Variants in DPP10 observed in about 807,000 individuals in gnomAD.
DPP10 encodes the protein dipeptidyl peptidase like 10, also known as inactive dipeptidyl peptidase 10.
In DPP10, 33 loss-of-function variants were observed where a neutral mutation model predicts 120.9. The observed-to-expected ratio is 0.27, with a 90% CI of 0.21 to 0.37. The LOEUF (loss-of-function observed/expected upper bound fraction) is 0.37. DPP10 is among the 10% of genes least tolerant of loss of function. The pLI is 1.00. For synonymous variants in DPP10, 337 were observed against 326.1 expected (o/e 1.03, Z -0.36); for missense variants, 816 against 942.8 (o/e 0.87, Z 1.76).
chr2:115,238,759 T>TTA (rs1355977289), intron 1 of DPP10, among the ~76,000 whole-genome samples: 1 of 152,172 alleles, frequency 6.6e-6, no homozygotes, highest in Admixed American at 6.6e-5. Flanking sequence ...TTTAGAATAT[T>TTA]ATATAAAGTT....
chr2:114,477,449 A>G (rs1208138792), intron 1 of DPP10, among the ~76,000 whole-genome samples: 1 of 151,956 alleles, frequency 6.6e-6, no homozygotes, highest in Non-Finnish European at 1.5e-5. Flanking sequence ...GAAATACTGC[A>G]TATATATTTA....
At chr2:114,822,019 T>G (rs1686130746) in intron 1 of DPP10, among the ~76,000 whole-genome samples, 2 of 152,142 alleles carry the variant, frequency 1.3e-5, no homozygotes, top group South Asian at 4.1e-4. Flanking sequence ...GGTGGCCCTC[T>G]TCTCACAGCT....
At chr2:115,107,483 T>C (rs1421192402) in intron 1 of DPP10, among the ~76,000 whole-genome samples, 2 of 133,056 alleles carry the variant, frequency 1.5e-5, no homozygotes, top group South Asian at 2.5e-4. Flanking sequence ...ATATGTCAGA[T>C]AACTAGAAAA....
chr2:115,607,866 ATGTAG>A (rs1459444386), intron 5 of DPP10, among the ~76,000 whole-genome samples: 1 of 152,206 alleles, frequency 6.6e-6, no homozygotes, highest in Non-Finnish European at 1.5e-5. Flanking sequence ...CAGAATCAAT[ATGTAG>A]AAACCAGAGA....
In DPP10 at chr2:115,266,673, T is replaced by A. The variant is rs187194545; in HGVS notation, c.61-42566T>A. ...ACTGTCCACAGAGGTTTTATCTTTG[T>A]CTGTGGTATTAAGCTTTTTGAGGAC... On this transcript the variant is annotated intron_variant, in intron 1 of 25. Transcript: ENST00000410059. Among the ~76,000 whole-genome samples, 645 of 152,306 alleles carry A rather than the reference T, an allele frequency of 4.2e-3. 16 individuals carry two copies. The highest frequency in any genetic ancestry group is 0.036 in the Admixed American group (549 of 15,300).
chr2:114,622,696 G>A (rs1694193176), intron 1 of DPP10, among the ~76,000 whole-genome samples: 1 of 151,956 alleles, frequency 6.6e-6, no homozygotes, highest in Non-Finnish European at 1.5e-5. Context: ...GAGAGAAAAG[G>A]GCCTTCTTTC....
chr2:115,553,274 C>G (rs1359776112), intron 5 of DPP10, among the ~76,000 whole-genome samples: 1 of 151,978 alleles, frequency 6.6e-6, no homozygotes, highest in Non-Finnish European at 1.5e-5. Flanking sequence ...ATAACATTAC[C>G]ATAAATCTTT....
chr2:115,506,272 G>A (rs997887213), intron 4 of DPP10, among the ~76,000 whole-genome samples: 3 of 152,004 alleles, frequency 2.0e-5, no homozygotes, highest in African/African-American at 7.2e-5. Context: ...TAGTTTGCTT[G>A]TGAAACATGC....
intron 1 of DPP10, among the ~76,000 whole-genome samples, chr2:115,259,771 A>G (rs2059167901): frequency 6.6e-6 from 1 of 152,142 alleles, no homozygotes; most frequent in Non-Finnish European, 1.5e-5. Flanking sequence ...ATTTGTATTG[A>G]ATGAATGATG....
At chr2:114,993,590 A>G (rs868714282) in intron 1 of DPP10, among the ~76,000 whole-genome samples, 3,497 of 143,390 alleles carry the variant, frequency 0.024, 203 homozygotes, top group African/African-American at 0.081. Flanking sequence ...GTATATATAT[A>G]TATATATATA....
intron 1 of DPP10, among the ~76,000 whole-genome samples, chr2:115,244,448 T>G (rs2058440409): frequency 6.6e-6 from 1 of 151,850 alleles, no homozygotes; most frequent in Non-Finnish European, 1.5e-5. Flanking sequence ...AAATTGGAAC[T>G]TAAAGCCAAA....
intron 3 of DPP10, among the ~76,000 whole-genome samples, chr2:115,464,079 T>C (rs141747370): frequency 2.0e-4 from 31 of 152,210 alleles, no homozygotes; most frequent in Admixed American, 8.5e-4. Flanking sequence ...TCAATTGTTA[T>C]AGGGTCCTCA....
Position 115,494,591 on chromosome 2 carries a change from A to G in DPP10, c.272-4919A>G, listed in dbSNP as rs140981490. 2.1e-3 allele frequency among the ~76,000 whole-genome samples: 318 copies of G among 152,264 alleles called. 1 individual carries two copies. Among genetic ancestry groups the G allele is most frequent in the African/African-American group, 7.2e-3 (298 of 41,554 alleles). On this transcript the variant is annotated intron_variant, in intron 3 of 25. Transcript: ENST00000410059. ...GCTAAATATTCTAGATTTACCATTG[A>G]TATATTTAATTAAAGAATAAAATCT...
At chr2:114,966,814 G>T (rs1699066607) in intron 1 of DPP10, among the ~76,000 whole-genome samples, 1 of 152,212 alleles carries the variant, frequency 6.6e-6, no homozygotes, top group Admixed American at 6.5e-5. Context: ...GGCCATGGCA[G>T]GTGGGTCACT....
rs2077449944 is a variant in DPP10 at position 115,515,392 on chromosome 2, T to A, written c.367-10506T>A. The stretch of plus-strand genomic sequence containing the variant: ...TGTTCAACCTTTTAGTTATTTTCAA[T>A]TTGGCTGATAAAAGATAGAATTTAA... On this transcript the variant is annotated intron_variant, in intron 4 of 25. Coordinates refer to ENST00000410059, the MANE Select transcript of DPP10 (RefSeq NM_020868.6). Among the ~76,000 whole-genome samples, 3 of 152,120 alleles carry A rather than the reference T, an allele frequency of 2.0e-5. No individual in the cohort carries two copies. The East Asian group carries it at 5.8e-4, about 29-fold the overall frequency.
intron 3 of DPP10, among the ~76,000 whole-genome samples, chr2:115,412,941 GTTTA>G (rs2069074887): frequency 6.6e-6 from 1 of 152,030 alleles, no homozygotes; most frequent in Admixed American, 6.6e-5. Flanking sequence ...TTATTGATTT[GTTTA>G]TTTGTGTTTA....
At chr2:114,877,787 G>A (rs571433207) in intron 1 of DPP10, among the ~76,000 whole-genome samples, 25 of 152,006 alleles carry the variant, frequency 1.6e-4, no homozygotes, top group Non-Finnish European at 2.4e-4. Context: ...AGCTGTCCCC[G>A]TTAACATGGG....
chr2:115,100,108 G>A (rs547476086), intron 1 of DPP10, among the ~76,000 whole-genome samples: 147 of 152,268 alleles, frequency 9.7e-4, no homozygotes, highest in Middle Eastern at 3.4e-3. Context: ...CCAAGTGGCT[G>A]GTTGGTCTTC....
intron 1 of DPP10, among the ~76,000 whole-genome samples, chr2:115,210,630 C>T (rs2056450304): frequency 6.6e-6 from 1 of 152,170 alleles, no homozygotes; most frequent in South Asian, 2.1e-4. Context: ...TTTACCATCC[C>T]ACCAACAGTG....
Sources: gnomAD v4.1 joint callset for allele counts (sites outside exome capture counted in the v4.1 genomes callset) on GRCh38, gnomAD v4.1.1 for gene constraint, MANE v1.5 for transcripts, NCBI Gene and HGNC (gene_info 2026-07-23, HGNC 2026-07-21) for gene names.